MYO9A: variants seen among roughly 807,000 people sequenced by gnomAD.
MYO9A encodes the protein myosin IXA, also known as unconventional myosin-IXa.
Under a neutral mutation model 293.3 loss-of-function variants are expected in MYO9A, and 103 were observed. The ratio of observed to expected loss-of-function variants is 0.35; its 90% confidence interval spans 0.30 to 0.41. The LOEUF is 0.41. MYO9A is among the 10% of genes least tolerant of loss of function. MYO9A has a pLI of 1.00. For synonymous variants in MYO9A, 1,001 were observed against 1,035.7 expected (o/e 0.97, Z 0.64); for missense variants, 2,685 against 3,033.0 (o/e 0.89, Z 2.69).
In MYO9A at chr15:71,991,042, T is replaced by C. The variant is rs1204828372; in HGVS notation, c.1722+61A>G. 8.2e-6 allele frequency: 11 copies of C among 1,349,104 alleles called. 1 individual carries two copies. The highest frequency in any genetic ancestry group is 4.8e-4 in the Middle Eastern group (2 of 4,192). 83.6% of individuals were successfully genotyped at this position (1,349,104 alleles called of 1,614,324 possible). A position where few individuals can be genotyped will look rare whatever the true frequency, so the allele number is the denominator to read the frequency against. ...TGTGAAAAAATGAAGTGAATTATTATGAATATGACTCAAAGATATGTGTGA... is the reference window on the plus strand; with the variant it reads ...TGTGAAAAAATGAAGTGAATTATTACGAATATGACTCAAAGATATGTGTGA... On this transcript the variant is annotated intron_variant, in intron 11 of 41. Transcript: ENST00000356056.
chr15:71,868,724 T>G (rs927319103), intron 32 of MYO9A, among the ~76,000 whole-genome samples: 1 of 152,084 alleles, frequency 6.6e-6, no homozygotes, highest in African/African-American at 2.4e-5. Flanking sequence ...TGAGAAAGGA[T>G]AGCAAATAAG....
At chr15:71,857,402 T>C (rs1359813838) in intron 34 of MYO9A, among the ~76,000 whole-genome samples, 5 of 152,184 alleles carry the variant, frequency 3.3e-5, no homozygotes, top group Non-Finnish European at 7.3e-5. Context: ...ACATTGCAAG[T>C]TACAGCTTAA....
rs1003090847 is a variant in MYO9A, at chr15:71,830,318, A to G, written c.6838-7T>C. 8 of 1,612,680 alleles carry G rather than the reference A, an allele frequency of 5.0e-6. No individual in the cohort carries two copies. Among genetic ancestry groups the G allele is most frequent in the Non-Finnish European group, 8.5e-7 (1 of 1,179,750 alleles). On this transcript the variant is annotated splice_polypyrimidine_tract_variant and splice_region_variant and intron_variant, in intron 39 of 41. Coordinates refer to ENST00000356056, the MANE Select transcript of MYO9A (RefSeq NM_006901.4). ...GACGAATACGCCCCTTTCCCTGCAG[A>G]GAAAAATTCATGTTAGAAAGTAAAT...
chr15:72,080,989 C>T (rs1237991111), intron 1 of MYO9A, among the ~76,000 whole-genome samples: 4 of 152,078 alleles, frequency 2.6e-5, no homozygotes, highest in African/African-American at 7.2e-5. Context: ...GTTGATTCCA[C>T]GTCCTTGTTA....
chr15:71,933,859 T>C (rs1023947081), intron 17 of MYO9A, 150 bp from the exon 18 acceptor site: 4 of 682,174 alleles, frequency 5.9e-6, no homozygotes, highest in African/African-American at 3.8e-5. Flanking sequence ...GAAAACACTA[T>C]CTGATTCAGC....
Position 71,968,116 on chromosome 15 carries a change from C to A in MYO9A, c.1854G>T (p.Gln618His). ...TGTCTAGCAATGTTTGATTTGTAGC[C>A]TGTGGAAAGCTGAATTAAAAAAAAA... ...HLLDEESNFP[Q>H]ATNQTLLDKF... The change falls in exon 13 of 42, where the codon CAG (glutamine) becomes CAT (histidine). Residue 618 changes from glutamine to histidine, a missense_variant. Around this residue, in one of 10 missense-constraint regions of MYO9A, gnomAD observed 201 missense variants for 245.2 expected, o/e 0.82. Coordinates refer to ENST00000356056, the MANE Select transcript of MYO9A (RefSeq NM_006901.4). 2.6e-6 allele frequency: 4 copies of A among 1,560,136 alleles called. No individual in the cohort carries two copies. The highest frequency in any genetic ancestry group is 1.2e-5 in the South Asian group (1 of 82,686).
chr15:72,009,053 C>T (rs990386211), intron 7 of MYO9A, among the ~76,000 whole-genome samples: 2 of 151,930 alleles, frequency 1.3e-5, no homozygotes, highest in Non-Finnish European at 2.9e-5. Context: ...GAATCATTCA[C>T]GTGACTCACA....
At position 72,095,404 on chromosome 15, in the gene MYO9A, G is replaced by A. The variant is rs147306871; in HGVS notation, c.-72+22276C>T. On this transcript the variant is annotated intron_variant, in intron 1 of 41. Coordinates refer to ENST00000356056, the MANE Select transcript of MYO9A (RefSeq NM_006901.4). ...CTCTCTTCACTTCTATGAAGGCTGA[G>A]AGAGGTGAGAAAGTTATAGAAGAAA... Among the ~76,000 whole-genome samples, 42 of 92,730 alleles carry A rather than the reference G, an allele frequency of 4.5e-4. 3 individuals carry two copies. Among genetic ancestry groups the A allele is most frequent in the African/African-American group, 1.0e-3 (40 of 39,066 alleles). 60.8% of individuals were successfully genotyped at this position (92,730 alleles called of 152,430 possible). A position where few individuals can be genotyped will look rare whatever the true frequency, so the allele number is the denominator to read the frequency against.
chr15:72,091,394 T>C (rs1462490961), intron 1 of MYO9A, among the ~76,000 whole-genome samples: 2 of 152,036 alleles, frequency 1.3e-5, no homozygotes, highest in Non-Finnish European at 2.9e-5. Flanking sequence ...TTCTTTTCTT[T>C]CTTTTCTTGT....
chr15:71,836,669 TACAC>T (rs1183886808), intron 39 of MYO9A, among the ~76,000 whole-genome samples: 7 of 152,208 alleles, frequency 4.6e-5, no homozygotes, highest in South Asian at 2.1e-4. Flanking sequence ...GAATAAGTCT[TACAC>T]ACATAAGGTT....
At chr15:71,988,679 C>T in intron 11 of MYO9A, among the ~76,000 whole-genome samples, 1 of 152,124 alleles carries the variant, frequency 6.6e-6, no homozygotes, top group East Asian at 1.9e-4. Context: ...TCCCTCTTTT[C>T]TGTAGACCTG....
At chr15:72,055,839 G>C (rs775953970) in intron 1 of MYO9A, among the ~76,000 whole-genome samples, 13 of 152,084 alleles carry the variant, frequency 8.5e-5, no homozygotes, top group African/African-American at 2.7e-4. Context: ...GTGGTGAAAA[G>C]AGAACACACT....
chr15:71,833,337 T>G (rs2054805667), intron 39 of MYO9A, among the ~76,000 whole-genome samples: 1 of 152,110 alleles, frequency 6.6e-6, no homozygotes, highest in South Asian at 2.1e-4. Flanking sequence ...CTAGTACAGC[T>G]ATATTAACTG....
intron 39 of MYO9A, among the ~76,000 whole-genome samples, chr15:71,847,140 G>A (rs2055422135): frequency 1.3e-5 from 2 of 152,060 alleles, no homozygotes; most frequent in South Asian, 4.1e-4. Context: ...AACCAAAGAA[G>A]AAACCCAAAA....
chr15:72,060,838 C>T (rs2078858518), intron 1 of MYO9A, among the ~76,000 whole-genome samples: 1 of 152,132 alleles, frequency 6.6e-6, no homozygotes, highest in Admixed American at 6.5e-5. Context: ...GTGCACATGA[C>T]CCAGTGAGAC....
intron 1 of MYO9A, among the ~76,000 whole-genome samples, chr15:72,110,389 T>C (rs905416884): frequency 7.1e-6 from 1 of 141,588 alleles, no homozygotes; most frequent in Non-Finnish European, 1.5e-5. Flanking sequence ...TGAGCCGAAA[T>C]TGCACCACTG....
intron 1 of MYO9A, among the ~76,000 whole-genome samples, chr15:72,068,970 T>C (rs1423063287): frequency 1.3e-5 from 2 of 152,180 alleles, no homozygotes; most frequent in East Asian, 1.9e-4. Context: ...CTGAAGTACA[T>C]AGACTTTGCC....
At chr15:71,992,294 T>G (rs1346500373) in intron 10 of MYO9A, among the ~76,000 whole-genome samples, 1 of 152,192 alleles carries the variant, frequency 6.6e-6, no homozygotes, top group African/African-American at 2.4e-5. Context: ...TACTGTGGAT[T>G]TGGCTCTAAT....
intron 32 of MYO9A, among the ~76,000 whole-genome samples, chr15:71,869,776 A>C (rs1036320183): frequency 4.6e-5 from 7 of 152,182 alleles, no homozygotes; most frequent in Admixed American, 4.6e-4. Flanking sequence ...AGTAATGAAA[A>C]ATAAGGCTGG....
Sources: gnomAD v4.1 joint callset for allele counts (sites outside exome capture counted in the v4.1 genomes callset) on GRCh38, gnomAD v4.1.1 for gene constraint, gnomAD v4.1.1 regional missense constraint, MANE v1.5 for transcripts, NCBI Gene and HGNC (gene_info 2026-07-23, HGNC 2026-07-21) for gene names.